Variants in RAB27B observed in about 807,000 individuals in gnomAD.
RAB27B encodes the protein ras-related protein Rab-27B.
A neutral mutation model predicts 24.6 loss-of-function variants in RAB27B; 15 were observed. That is an observed-to-expected ratio of 0.61 (90% confidence interval 0.41 to 0.94). The LOEUF (loss-of-function observed/expected upper bound fraction) is 0.94, where lower values mean the gene tolerates loss of function less well. Among genes scored for constraint, RAB27B ranks in the 40% least tolerant of loss-of-function variants. The pLI, the probability that RAB27B is intolerant of heterozygous loss-of-function variation, is 0.00. For missense variants in RAB27B, 261 were observed against 266.8 expected (o/e 0.98, Z 0.15); for synonymous variants, 105 against 92.5 (o/e 1.14, Z -0.78).
chr18:54,776,546 C>T (rs542298661), intron 2 of RAB27B, among the ~76,000 whole-genome samples: 3 of 152,186 alleles, frequency 2.0e-5, no homozygotes, highest in Non-Finnish European at 4.4e-5. Context: ...GTAAAACAGA[C>T]AACTTCTTTA....
intron 1 of RAB27B, among the ~76,000 whole-genome samples, chr18:54,842,203 A>G (rs1911145778): frequency 6.6e-6 from 1 of 152,244 alleles, no homozygotes; most frequent in Non-Finnish European, 1.5e-5. Flanking sequence ...AATTTAGAAA[A>G]CGAATGTGGA....
chr18:54,846,387 T>TA (rs772311641), intron 1 of RAB27B, among the ~76,000 whole-genome samples: 6 of 152,262 alleles, frequency 3.9e-5, no homozygotes, highest in Admixed American at 2.0e-4. Context: ...TATTCACTAA[T>TA]TCAGTGTTTG....
intron 2 of RAB27B, among the ~76,000 whole-genome samples, chr18:54,821,896 G>T (rs1393187195): frequency 6.6e-6 from 1 of 152,182 alleles, no homozygotes; most frequent in Non-Finnish European, 1.5e-5. Context: ...TGGGATTACA[G>T]GCATGGCCCC....
chr18:54,772,792 AATC>A (rs1568060283), intron 2 of RAB27B, among the ~76,000 whole-genome samples: 1 of 152,202 alleles, frequency 6.6e-6, no homozygotes, highest in Non-Finnish European at 1.5e-5. Flanking sequence ...TGCTTGGTAT[AATC>A]ATCAGGCTAG....
intron 1 of RAB27B, among the ~76,000 whole-genome samples, chr18:54,838,314 C>T (rs1364461904): frequency 1.3e-5 from 2 of 152,046 alleles, no homozygotes; most frequent in Non-Finnish European, 2.9e-5. Flanking sequence ...AAATGATTGA[C>T]CAAATTTAGG....
intron 2 of RAB27B, among the ~76,000 whole-genome samples, chr18:54,748,722 C>T (rs995900547): frequency 6.6e-6 from 1 of 152,130 alleles, no homozygotes; most frequent in Non-Finnish European, 1.5e-5. Context: ...GGAAAGCTTC[C>T]CATCTGTCCT....
At chr18:54,800,615 C>T (rs1909571002) in intron 2 of RAB27B, among the ~76,000 whole-genome samples, 1 of 152,152 alleles carries the variant, frequency 6.6e-6, no homozygotes, top group South Asian at 2.1e-4. Flanking sequence ...TTTTTGTCTA[C>T]ACTTTAATTG....
intron 2 of RAB27B, among the ~76,000 whole-genome samples, chr18:54,793,408 A>G (rs902586605): frequency 6.6e-6 from 1 of 152,226 alleles, no homozygotes. Flanking sequence ...GTGATATGCC[A>G]CATAATGAGA....
At chr18:54,806,688 T>A (rs928522546) in intron 2 of RAB27B, among the ~76,000 whole-genome samples, 4 of 151,460 alleles carry the variant, frequency 2.6e-5, no homozygotes, top group Non-Finnish European at 5.9e-5. Context: ...TTATGTTAGT[T>A]ACTATCAAGC....
intron 2 of RAB27B, among the ~76,000 whole-genome samples, chr18:54,728,700 T>C (rs7244924): frequency 0.63 from 94,720 of 151,030 alleles, 30,759 homozygotes; most frequent in Non-Finnish European, 0.73. Flanking sequence ...CATGGCAAAA[T>C]CCTGTCTCTA....
At chr18:54,770,366 T>A (rs2145068452) in intron 2 of RAB27B, among the ~76,000 whole-genome samples, 1 of 152,170 alleles carries the variant, frequency 6.6e-6, no homozygotes, top group Non-Finnish European at 1.5e-5. Flanking sequence ...TCTCATAGGA[T>A]CATGAACCCT....
At chr18:54,746,287 G>A (rs11151968) in intron 2 of RAB27B, among the ~76,000 whole-genome samples, 9,597 of 152,138 alleles carry the variant, frequency 0.063, 388 homozygotes, top group African/African-American at 0.089. Context: ...CCTAATTGCC[G>A]GTCGGATGAG....
intron 1 of RAB27B, among the ~76,000 whole-genome samples, chr18:54,844,326 T>G (rs1450318630): frequency 6.6e-6 from 1 of 152,082 alleles, no homozygotes; most frequent in Non-Finnish European, 1.5e-5. Context: ...ATTTACTGAA[T>G]TTTCACTTCA....
intron 1 of RAB27B, among the ~76,000 whole-genome samples, chr18:54,866,457 G>A (rs59109717): frequency 0.031 from 4,721 of 152,228 alleles, 251 homozygotes; most frequent in African/African-American, 0.11. Context: ...CACCACACCC[G>A]GCTAATTTTT....
chr18:54,814,866 C>T lies in RAB27B; in HGVS notation c.-19-62701C>T, dbSNP rs560877801. On this transcript the variant is annotated intron_variant, in intron 2 of 4. Coordinates refer to the RAB27B transcript ENST00000586570. ...TGAGGCTATGTTCATCAAGTTTATA[C>T]GTTTAAGTGTCTGTGAACACGTTTG... is the stretch of plus-strand genomic sequence containing the variant. Among the ~76,000 whole-genome samples the T allele has an allele frequency of 1.8e-4, 27 of 152,192 alleles. No individual in the cohort carries two copies. The South Asian group carries it at 2.5e-3, about 14-fold the overall frequency.
At position 54,888,162 on chromosome 18, in the gene RAB27B, G is replaced by C. The variant is rs529561651; in HGVS notation, c.467+44G>C. 1.1e-5 allele frequency: 18 copies of C among 1,600,242 alleles called. No homozygotes were observed. The South Asian group carries it at 1.9e-4, about 17-fold the overall frequency. ...GATGGCATGTGACTTGCACACTGCTGTTCAGCAAATGGAGCAGAGACATTA... is the reference window on the plus strand; with the variant it reads ...GATGGCATGTGACTTGCACACTGCTCTTCAGCAAATGGAGCAGAGACATTA... On this transcript the variant is annotated intron_variant, in intron 5 of 5. Transcript: ENST00000262094.
At chr18:54,859,047 A>G (rs1911904108) in intron 1 of RAB27B, among the ~76,000 whole-genome samples, 1 of 152,118 alleles carries the variant, frequency 6.6e-6, no homozygotes, top group Non-Finnish European at 1.5e-5. Context: ...TCACTTTTTA[A>G]TGGAAATTGC....
chr18:54,854,777 G>T (rs896644054), intron 1 of RAB27B, among the ~76,000 whole-genome samples: 1 of 152,088 alleles, frequency 6.6e-6, no homozygotes, highest in Non-Finnish European at 1.5e-5. Context: ...CATATAATGT[G>T]AGTTATTTAT....
intron 2 of RAB27B, among the ~76,000 whole-genome samples, chr18:54,776,553 T>TA (rs1211352097): frequency 7.2e-5 from 11 of 152,204 alleles, no homozygotes; most frequent in African/African-American, 2.7e-4. Context: ...AGACAACTTC[T>TA]TTATCCTCAC....
Sources: gnomAD v4.1 joint callset for allele counts (sites outside exome capture counted in the v4.1 genomes callset) on GRCh38, gnomAD v4.1.1 for gene constraint, MANE v1.5 for transcripts, NCBI Gene and HGNC (gene_info 2026-07-23, HGNC 2026-07-21) for gene names.